The following ARHGEF40 variants were observed in gnomAD, a reference collection of about 807,000 sequenced individuals.
ARHGEF40 encodes the protein Rho guanine nucleotide exchange factor 40.
ARHGEF40 carries 98 observed loss-of-function variants against 165.9 expected under a neutral mutation model. That is an observed-to-expected ratio of 0.59 (90% CI 0.50 to 0.70). ARHGEF40 has a LOEUF of 0.70. Ranked by LOEUF, ARHGEF40 falls within the 30% of genes least tolerant of loss-of-function variation. The pLI, the probability that ARHGEF40 is intolerant of heterozygous loss-of-function variation, is 0.00. For synonymous variants in ARHGEF40, 792 were observed against 814.3 expected (o/e 0.97, Z 0.47); for missense variants, 1,815 against 1,968.0 (o/e 0.92, Z 1.47).
intron 20 of ARHGEF40, 29 bp downstream of exon 20, chr14:21,087,134 C>A: frequency 1.9e-6 from 3 of 1,605,788 alleles, no homozygotes; most frequent in Non-Finnish European, 2.6e-6. Context: ...GGGGGTGGCC[C>A]CCAGGAGTGA....
chr14:21,068,432 TG>T (rs1486793239), upstream of ARHGEF40, among the ~76,000 whole-genome samples: 1 of 152,120 alleles, frequency 6.6e-6, no homozygotes, highest in Non-Finnish European at 1.5e-5. Context: ...TGGACAACCT[TG>T]GACCCTACCA....
At position 21,070,455 on chromosome 14, in the gene ARHGEF40, G is replaced by C; in HGVS notation, c.3+56G>C. The C allele has an allele frequency of 8.9e-6, 12 of 1,348,126 alleles. No individual in the cohort carries two copies. Among genetic ancestry groups the C allele is most frequent in the African/African-American group, 1.5e-5 (1 of 65,402 alleles). The allele number at this position is 1,348,126 out of a possible 1,614,324, so 83.5% of individuals were successfully genotyped here. On this transcript the variant is annotated intron_variant, in intron 1 of 23. Coordinates refer to ENST00000298694, the MANE Select transcript of ARHGEF40 (RefSeq NM_018071.5). This position sits in a 1 kb window ranked among gnomAD's most constrained non-coding sequence, Gnocchi z 4.7. ...CCTCGGCCTTCGCGCAGCCCGCTCC[G>C]GGCCCCCAAGTCCTCAGCCTGGTGC...
chr14:21,085,722 G>C lies in ARHGEF40; in HGVS notation c.3994G>C (p.Asp1332His). The C allele has an allele frequency of 6.2e-7, 1 of 1,614,134 alleles. No homozygotes were observed. ...ADMGLTENIGDSGLCFELWFR... is the reference protein window; with the variant it reads ...ADMGLTENIGHSGLCFELWFR... ...TATGGGGCTGACAGAAAACATCGGG[G>C]ACAGCGGACTCTGCTTTGAGTTGTG... The change falls in exon 19 of 24, where the codon GAC becomes CAC. Residue 1332 changes from aspartate (D) to histidine (H), a missense_variant. Transcript: ENST00000298694.
Position 21,070,474 on chromosome 14 carries a change from C to G in ARHGEF40, c.3+75C>G. On this transcript the variant is annotated intron_variant, in intron 1 of 23. Coordinates refer to ENST00000298694, the MANE Select transcript of ARHGEF40 (RefSeq NM_018071.5). The surrounding 1 kb of genome is among the most constrained non-coding windows in gnomAD (Gnocchi z 4.7). ...CGCTCCGGGCCCCCAAGTCCTCAGC[C>G]TGGTGCCTCCCGAGCCTGCCTCGGA... 1 of 1,355,000 alleles carries G rather than the reference C, an allele frequency of 7.4e-7. No homozygotes were observed. Among genetic ancestry groups the G allele is most frequent in the Non-Finnish European group, 9.5e-7 (1 of 1,057,394 alleles). The allele number at this position is 1,355,000 out of a possible 1,614,324, so 83.9% of individuals were successfully genotyped here.
intron 8 of ARHGEF40, 102 bp from the exon 9 acceptor site, chr14:21,078,075 T>C (rs546926302): frequency 2.0e-6 from 2 of 1,016,078 alleles, no homozygotes; most frequent in East Asian, 2.6e-5. Flanking sequence ...GAATTCAGCA[T>C]TGCCTCCATA....
chr14:21,071,730 T>A (rs947908863), intron 1 of ARHGEF40, among the ~76,000 whole-genome samples: 5 of 152,192 alleles, frequency 3.3e-5, no homozygotes, highest in Non-Finnish European at 5.9e-5. Context: ...CTCCCTGCCT[T>A]GGAGCAGACG....
At position 21,078,965 on chromosome 14, in the gene ARHGEF40, C is replaced by G; in HGVS notation, c.2328C>G (p.His776Gln). Residue 776 changes from histidine (H) to glutamine (Q), a missense_variant, in exon 11 of 24, where the codon CAC becomes CAG. Transcript: ENST00000298694. ...AGCTTGTGCGCCTCTCCAACCTGCA[C>G]GTGCAGCAGCAAGAGCAGCGGCAGT... The part of the protein sequence containing the change: ...IHQLVRLSNL[H>Q]VQQQEQRQCL... The G allele has an allele frequency of 6.2e-7, 1 of 1,614,164 alleles. No homozygotes were observed. Among genetic ancestry groups the G allele is most frequent in the Non-Finnish European group, 8.5e-7 (1 of 1,179,994 alleles).
intron 12 of ARHGEF40, 36 bp downstream of exon 12, chr14:21,080,818 G>A: frequency 3.1e-6 from 5 of 1,603,300 alleles, no homozygotes; most frequent in Non-Finnish European, 4.3e-6. Flanking sequence ...AGAGGAGGCA[G>A]GGGGAGACTA....
chr14:21,075,470 T>G lies in ARHGEF40; in HGVS notation c.1589T>G (p.Leu530Trp), dbSNP rs927153147. 6 of 1,614,192 alleles carry G rather than the reference T, an allele frequency of 3.7e-6. No individual in the cohort carries two copies. Among genetic ancestry groups the G allele is most frequent in the Non-Finnish European group, 5.1e-6 (6 of 1,180,026 alleles). The stretch of plus-strand genomic sequence containing the variant: ...GATCACCCTGATGTAGCTTGGGACT[T>G]GATGGCATCTGGATTCCTCATCCTG... ...VSDHPDVAWD[L>W]MASGFLILTG... The change falls in exon 4 of 24, where the codon TTG becomes TGG. Residue 530 changes from leucine to tryptophan, a missense_variant. Coordinates refer to ENST00000298694, the MANE Select transcript of ARHGEF40 (RefSeq NM_018071.5). The surrounding 1 kb of genome is among the most constrained non-coding windows in gnomAD (Gnocchi z 4.5).
chr14:21,065,265 A>T, the ARHGEF40 span, among the ~76,000 whole-genome samples: 1 of 152,066 alleles, frequency 6.6e-6, no homozygotes, highest in Non-Finnish European at 1.5e-5. Context: ...CAAACAAAAA[A>T]AACCTCATGA....
intron 8 of ARHGEF40, among the ~76,000 whole-genome samples, chr14:21,077,307 C>T (rs1387266456): frequency 2.1e-5 from 2 of 96,394 alleles, no homozygotes; most frequent in African/African-American, 3.6e-5. Flanking sequence ...TTTGTAGAGA[C>T]GGGGTTTTGC....
upstream of ARHGEF40, among the ~76,000 whole-genome samples, chr14:21,068,764 G>T (rs1209707737): frequency 6.6e-6 from 1 of 152,232 alleles, no homozygotes; most frequent in Non-Finnish European, 1.5e-5. Flanking sequence ...GGTTACCGGG[G>T]CTTGTTGCCA....
chr14:21,062,042 GA>G, the ARHGEF40 span, among the ~76,000 whole-genome samples: 1 of 152,158 alleles, frequency 6.6e-6, no homozygotes, highest in African/African-American at 2.4e-5. Context: ...AATAGTCGGT[GA>G]ATACAATTCT....
chr14:21,070,682 G>T lies in ARHGEF40; in HGVS notation c.3+283G>T. 1.1e-6 allele frequency: 1 copy of T among 926,346 alleles called. No homozygotes were observed. Among genetic ancestry groups the T allele is most frequent in the Non-Finnish European group, 1.6e-6 (1 of 627,626 alleles). 57.4% of individuals were successfully genotyped at this position (926,346 alleles called of 1,614,324 possible). On this transcript the variant is annotated intron_variant, in intron 1 of 23. Coordinates refer to ENST00000298694, the MANE Select transcript of ARHGEF40 (RefSeq NM_018071.5). This position sits in a 1 kb window ranked among gnomAD's most constrained non-coding sequence, Gnocchi z 4.7. ...TAATCCACACACCTCCCCGCTCCCC[G>T]CCCTCCTCTGTCCTGACCTGTGCCT...
At chr14:21,088,772 A>G in intron 22 of ARHGEF40, 58 bp from the exon 23 acceptor site, 1 of 1,550,218 alleles carries the variant, frequency 6.5e-7, no homozygotes, top group Non-Finnish European at 8.8e-7. Flanking sequence ...AATGGAGGAA[A>G]AGAGAGAGAA....
intron 8 of ARHGEF40, among the ~76,000 whole-genome samples, chr14:21,077,913 C>G (rs1375120367): frequency 1.3e-5 from 2 of 152,174 alleles, no homozygotes; most frequent in African/African-American, 2.4e-5. Context: ...GTACAATGTG[C>G]CAGGCCCACG....
Position 21,081,776 on chromosome 14 carries a change from G to A in ARHGEF40, c.2908G>A (p.Ala970Thr), listed in dbSNP as rs1440002905. The change falls in exon 14 of 24, where the codon GCA (alanine) becomes ACA (threonine). Residue 970 changes from alanine to threonine, a missense_variant. Transcript: ENST00000298694. Reference sequence around the variant, plus strand: ...CCCACGGGGCTACCGACGACGGCGGGCAGACGGTGCCAGCAGTGGAGGGGC... The same window carrying A: ...CCCACGGGGCTACCGACGACGGCGGACAGACGGTGCCAGCAGTGGAGGGGC... ...ASPRGYRRRRADGASSGGAQW... is the reference protein window; with the variant it reads ...ASPRGYRRRRTDGASSGGAQW... 1.9e-6 allele frequency: 3 copies of A among 1,592,558 alleles called. No individual in the cohort carries two copies. Among genetic ancestry groups the A allele is most frequent in the Non-Finnish European group, 8.5e-7 (1 of 1,170,546 alleles).
chr14:21,082,362 G>A lies in ARHGEF40; in HGVS notation c.3370G>A (p.Ala1124Thr). ...GACGCCTGAACTTCGGGGCACCTGGGCTGCTGCCCTGAGTGCCCGGGAAAG... is the reference window on the plus strand; with the variant it reads ...GACGCCTGAACTTCGGGGCACCTGGACTGCTGCCCTGAGTGCCCGGGAAAG... ...ELTPELRGTWAAALSARERLR... is the reference protein window; with the variant it reads ...ELTPELRGTWTAALSARERLR... The change falls in exon 15 of 24, where the codon GCT becomes ACT. Residue 1124 changes from alanine to threonine, a missense_variant. By Grantham distance (58) the Ala-to-Thr change is moderately conservative. Coordinates refer to ENST00000298694, the MANE Select transcript of ARHGEF40 (RefSeq NM_018071.5). 2 of 1,611,750 alleles carry A rather than the reference G, an allele frequency of 1.2e-6. No individual in the cohort carries two copies. The highest frequency in any genetic ancestry group is 1.1e-5 in the South Asian group (1 of 91,060).
the ARHGEF40 span, among the ~76,000 whole-genome samples, chr14:21,062,607 AC>A: frequency 4.6e-5 from 7 of 151,920 alleles, no homozygotes; most frequent in African/African-American, 1.7e-4. Flanking sequence ...TCAGGTCTCC[AC>A]CCTTTATAGG....
Sources: gnomAD v4.1 joint callset for allele counts (sites outside exome capture counted in the v4.1 genomes callset) on GRCh38, gnomAD v4.1.1 for gene constraint, Gnocchi (gnomAD v3.1) non-coding constraint, MANE v1.5 for transcripts, NCBI Gene and HGNC (gene_info 2026-07-23, HGNC 2026-07-21) for gene names.